DGKG: variants seen among roughly 807,000 people sequenced by gnomAD.
DGKG encodes the protein diacylglycerol kinase gamma.
DGKG carries 78 observed loss-of-function variants against 105.3 expected under a neutral mutation model. The observed-to-expected ratio is 0.74, with a 90% CI of 0.62 to 0.89. The LOEUF (loss-of-function observed/expected upper bound fraction) is 0.89, where lower values mean the gene tolerates loss of function less well. Among genes scored for constraint, DGKG ranks in the 40% least tolerant of loss-of-function variants. DGKG has a pLI of 0.00. For missense variants in DGKG, 958 were observed against 1,020.1 expected (o/e 0.94, Z 0.83); for synonymous variants, 346 against 367.1 (o/e 0.94, Z 0.66).
intron 20 of DGKG, among the ~76,000 whole-genome samples, chr3:186,241,827 T>C (rs11921893): frequency 0.021 from 3,195 of 152,318 alleles, 117 homozygotes; most frequent in African/African-American, 0.072. Context: ...AACTAAGTTC[T>C]GGCAAATTTC....
Position 186,347,021 on chromosome 3 carries a change from C to T in DGKG, c.-249+14925G>A, listed in dbSNP as rs577124930. On this transcript the variant is annotated intron_variant, in intron 1 of 24. Transcript: ENST00000265022. ...AGCTATAGTTTAATACTAATATCAC[C>T]CTCCTTTCTTTTTGTTTGCATTTTC... 2.9e-4 allele frequency among the ~76,000 whole-genome samples: 44 copies of T among 151,710 alleles called. 1 individual carries two copies. The South Asian group carries it at 9.2e-3, about 32-fold the overall frequency.
intron 21 of DGKG, among the ~76,000 whole-genome samples, chr3:186,193,073 C>A (rs1292004946): frequency 2.0e-5 from 3 of 152,186 alleles, no homozygotes; most frequent in Non-Finnish European, 2.9e-5. Flanking sequence ...GTCCCCTTCC[C>A]CTATTACCGC....
chr3:186,273,856 T>A (rs548683271), intron 10 of DGKG, among the ~76,000 whole-genome samples: 1 of 152,220 alleles, frequency 6.6e-6, no homozygotes, highest in African/African-American at 2.4e-5. Context: ...CGGTGTCTGG[T>A]GGGTTCAGGC....
In DGKG at chr3:186,350,026, G is replaced by A. The variant is rs113751667; in HGVS notation, c.-249+11920C>T. ...CAGCCTCCCGAGTAGCTGGGATACC[G>A]ATGTGTGCCACCATGCCTGGCTAAT... On this transcript the variant is annotated intron_variant, in intron 1 of 24. Coordinates refer to ENST00000265022, the MANE Select transcript of DGKG (RefSeq NM_001346.3). 4.9e-3 allele frequency among the ~76,000 whole-genome samples: 741 copies of A among 151,960 alleles called. 5 individuals are homozygous for A. The highest frequency in any genetic ancestry group is 0.016 in the African/African-American group (651 of 41,444).
At chr3:186,336,664 A>T (rs1216319064) in intron 1 of DGKG, among the ~76,000 whole-genome samples, 1 of 152,116 alleles carries the variant, frequency 6.6e-6, no homozygotes, top group African/African-American at 2.4e-5. Context: ...TTAAAAGCAA[A>T]AGTCCTTTTG....
intron 5 of DGKG, among the ~76,000 whole-genome samples, chr3:186,290,420 A>G (rs1723262233): frequency 6.6e-6 from 1 of 152,232 alleles, no homozygotes; most frequent in Non-Finnish European, 1.5e-5. Flanking sequence ...TTATTCATCA[A>G]TTAAAACTCT....
At position 186,242,494 on chromosome 3, in the gene DGKG, T is replaced by C. The variant is rs746109049; in HGVS notation, c.1826+10A>G. 23 of 1,610,924 alleles carry C rather than the reference T, an allele frequency of 1.4e-5. No individual in the cohort carries two copies. In the Admixed American group the frequency reaches 3.8e-4, roughly 27 times the overall value. ...GGGTGGGTGGCAGCGCAGCCGGGCC[T>C]GCAGCTTACCTGCTGTTGAATTTTT... On this transcript the variant is annotated intron_variant, in intron 20 of 24. Coordinates refer to ENST00000265022, the MANE Select transcript of DGKG (RefSeq NM_001346.3).
Position 186,267,918 on chromosome 3 carries a change from G to A in DGKG, c.1117-141C>T, listed in dbSNP as rs974282504. 7.3e-5 allele frequency: 41 copies of A among 560,352 alleles called. No individual in the cohort carries two copies. In the East Asian group the frequency reaches 1.4e-3, roughly 20 times the overall value. 34.7% of individuals were successfully genotyped at this position (560,352 alleles called of 1,614,324 possible). A position where few individuals can be genotyped will look rare whatever the true frequency, so the allele number is the denominator to read the frequency against. On this transcript the variant is annotated intron_variant, in intron 12 of 24. Coordinates refer to ENST00000265022, the MANE Select transcript of DGKG (RefSeq NM_001346.3). ...CACTGCTGGCTTTGACAGTATTGCC[G>A]TGTGTGTGTGTGTGCACGTGTGTGT... is the stretch of plus-strand genomic sequence containing the variant.
chr3:186,242,798 A>G (rs1462602005), intron 19 of DGKG, among the ~76,000 whole-genome samples: 1 of 152,132 alleles, frequency 6.6e-6, no homozygotes, highest in Non-Finnish European at 1.5e-5. Flanking sequence ...TTGACTCTGG[A>G]GTCCTTGCTA....
At position 186,150,110 on chromosome 3, in the gene DGKG, T is replaced by C; in HGVS notation, c.2356A>G (p.Lys786Glu). 1 of 1,613,660 alleles carries C rather than the reference T, an allele frequency of 6.2e-7. No individual in the cohort carries two copies. The highest frequency in any genetic ancestry group is 8.5e-7 in the Non-Finnish European group (1 of 1,179,804). ...ACTGTTTAGTCTTTTGAACGGCTCTTCCTTCTCAACGAGAAGAAGCTGCTC... is the reference window on the plus strand; with the variant it reads ...ACTGTTTAGTCTTTTGAACGGCTCTCCCTTCTCAACGAGAAGAAGCTGCTC... The part of the protein sequence containing the change: ...QKSSFFSLRR[K>E]SRSKD Residue 786 changes from lysine (K) to glutamate (E), a missense_variant, in exon 25 of 25, where the codon AAG (lysine) becomes GAG (glutamate). Physicochemically the swap from Lys to Glu is moderately conservative, Grantham distance 56. Transcript: ENST00000265022.
At chr3:186,252,071 G>T in intron 18 of DGKG, 152 bp from the exon 19 acceptor site, 1 of 668,078 alleles carries the variant, frequency 1.5e-6, no homozygotes, top group Non-Finnish European at 2.3e-6. Flanking sequence ...CGTTCCCCGA[G>T]CCACAGAGAA....
intron 1 of DGKG, among the ~76,000 whole-genome samples, chr3:186,357,346 A>G (rs982562711): frequency 1.3e-5 from 2 of 152,196 alleles, no homozygotes; most frequent in Non-Finnish European, 2.9e-5. Context: ...CAGGAAGCCA[A>G]GATGGTGGCA....
intron 1 of DGKG, among the ~76,000 whole-genome samples, chr3:186,355,170 C>CACCAA (rs1560170399): frequency 0.016 from 2,456 of 149,754 alleles, 103 homozygotes; most frequent in African/African-American, 0.059. Flanking sequence ...ACCATCACCC[C>CACCAA]CACAACTATC....
chr3:186,224,492 T>C (rs987166653), intron 20 of DGKG, among the ~76,000 whole-genome samples: 2 of 152,180 alleles, frequency 1.3e-5, no homozygotes, highest in Non-Finnish European at 2.9e-5. Flanking sequence ...GTCTGTAAGT[T>C]ATATGAGTAT....
chr3:186,267,554 A>G (rs1237576392), intron 13 of DGKG, 131 bp downstream of exon 13: 1 of 719,816 alleles, frequency 1.4e-6, no homozygotes, highest in Non-Finnish European at 2.4e-6. Context: ...GTAAAAAAAG[A>G]AAGAAAAGAA....
chr3:186,266,564 A>G (rs1722065746), intron 13 of DGKG, among the ~76,000 whole-genome samples: 2 of 152,158 alleles, frequency 1.3e-5, no homozygotes, highest in Non-Finnish European at 2.9e-5. Context: ...AAATATTGCT[A>G]AATGATTTTC....
intron 3 of DGKG, among the ~76,000 whole-genome samples, chr3:186,304,214 C>T (rs941878047): frequency 1.8e-4 from 27 of 152,240 alleles, no homozygotes; most frequent in Non-Finnish European, 3.4e-4. Context: ...TTAGCAGCCG[C>T]CGCCAGGCTT....
chr3:186,318,303 C>G (rs544012956), intron 2 of DGKG, among the ~76,000 whole-genome samples: 1 of 152,040 alleles, frequency 6.6e-6, no homozygotes, highest in East Asian at 2.0e-4. Context: ...CTTACCCACC[C>G]CTGCACACCA....
chr3:186,218,148 C>A (rs143610368), intron 20 of DGKG, among the ~76,000 whole-genome samples: 1 of 152,196 alleles, frequency 6.6e-6, no homozygotes, highest in Non-Finnish European at 1.5e-5. Context: ...ATCAAACACA[C>A]CAGCATGTGA....
Sources: allele counts gnomAD v4.1 joint callset (sites outside exome capture counted in the v4.1 genomes callset), GRCh38; gene constraint gnomAD v4.1.1; transcripts MANE v1.5; gene names NCBI Gene and HGNC (gene_info 2026-07-23, HGNC 2026-07-21).